The following KCND3 variants were observed in gnomAD, a reference collection of about 807,000 sequenced individuals.
KCND3 encodes potassium voltage-gated channel subfamily D member 3.
A neutral mutation model predicts 51.1 loss-of-function variants in KCND3; 9 were observed. The ratio of observed to expected loss-of-function variants is 0.18; its 90% CI spans 0.11 to 0.31. KCND3 has a LOEUF of 0.31. KCND3 is among the 10% of genes least tolerant of loss of function. The probability of loss-of-function intolerance (pLI) is 1.00; values close to 1 mark genes in which losing one functional copy is unlikely to be tolerated. For missense variants in KCND3, 526 were observed against 903.8 expected (o/e 0.58, Z 5.36); for synonymous variants, 349 against 368.0 (o/e 0.95, Z 0.59).
intron 2 of KCND3, among the ~76,000 whole-genome samples, chr1:111,865,419 A>G (rs373642314): frequency 6.6e-6 from 1 of 152,174 alleles, no homozygotes. Context: ...ATGATTCCCA[A>G]AGAGGTCAGG....
intron 2 of KCND3, among the ~76,000 whole-genome samples, chr1:111,941,462 T>G (rs982142472): frequency 4.6e-5 from 7 of 152,196 alleles, no homozygotes; most frequent in Non-Finnish European, 8.8e-5. Flanking sequence ...CCATATCTAC[T>G]GGGGTTTTTA....
intron 2 of KCND3, among the ~76,000 whole-genome samples, chr1:111,880,990 G>T (rs551415453): frequency 2.0e-5 from 3 of 151,994 alleles, no homozygotes; most frequent in African/African-American, 4.8e-5. Flanking sequence ...TTCCCAACAC[G>T]ACCTCCTCTG....
intron 2 of KCND3, among the ~76,000 whole-genome samples, chr1:111,805,622 C>T (rs1418942698): frequency 6.6e-6 from 1 of 152,246 alleles, no homozygotes; most frequent in Non-Finnish European, 1.5e-5. Context: ...CATGGCTAAG[C>T]AGAGACCTTA....
At chr1:111,958,190 C>A (rs1673434820) in intron 2 of KCND3, among the ~76,000 whole-genome samples, 1 of 152,190 alleles carries the variant, frequency 6.6e-6, no homozygotes, top group Non-Finnish European at 1.5e-5. Context: ...GAGGTATTTT[C>A]TTTTCATCCT....
intron 2 of KCND3, among the ~76,000 whole-genome samples, chr1:111,792,967 T>C (rs1302320510): frequency 2.0e-5 from 3 of 150,574 alleles, no homozygotes; most frequent in Non-Finnish European, 3.0e-5. Flanking sequence ...ATTTTTGAGC[T>C]CAAGTGATCC....
At chr1:111,908,013 C>T (rs1302022975) in intron 2 of KCND3, among the ~76,000 whole-genome samples, 2 of 152,172 alleles carry the variant, frequency 1.3e-5, no homozygotes, top group Non-Finnish European at 2.9e-5. Context: ...CTCCTAGGGA[C>T]TAAGGACTAT....
chr1:111,943,324 C>T (rs1237010356), intron 2 of KCND3, among the ~76,000 whole-genome samples: 1 of 152,202 alleles, frequency 6.6e-6, no homozygotes, highest in East Asian at 1.9e-4. Flanking sequence ...ATGGAGCGCA[C>T]CATGCCCAGC....
At chr1:111,904,586 G>A (rs1670550943) in intron 2 of KCND3, among the ~76,000 whole-genome samples, 1 of 152,156 alleles carries the variant, frequency 6.6e-6, no homozygotes, top group Non-Finnish European at 1.5e-5. Context: ...GCTGTCCACT[G>A]GGATGTACCC....
intron 2 of KCND3, among the ~76,000 whole-genome samples, chr1:111,856,246 C>T (rs1373796238): frequency 6.6e-6 from 1 of 152,206 alleles, no homozygotes. Flanking sequence ...GAGATGTTTT[C>T]AGAAGTTTCA....
At chr1:111,855,509 T>C (rs923556929) in intron 2 of KCND3, among the ~76,000 whole-genome samples, 3 of 152,216 alleles carry the variant, frequency 2.0e-5, no homozygotes, top group African/African-American at 7.2e-5. Context: ...CATACCAGCC[T>C]GGCCTGAGAA....
intron 2 of KCND3, among the ~76,000 whole-genome samples, chr1:111,889,933 G>C (rs1460058118): frequency 6.6e-6 from 1 of 152,124 alleles, no homozygotes; most frequent in African/African-American, 2.4e-5. Flanking sequence ...AGTGGGAACA[G>C]CCAATGAAAA....
chr1:111,838,022 G>A (rs958002972), intron 2 of KCND3, among the ~76,000 whole-genome samples: 8 of 152,154 alleles, frequency 5.3e-5, no homozygotes, highest in Non-Finnish European at 8.8e-5. Flanking sequence ...CGTCACTGTC[G>A]AGGTCAACCT....
intron 1 of KCND3, among the ~76,000 whole-genome samples, chr1:111,987,303 A>C (rs1675335104): frequency 6.6e-6 from 1 of 152,150 alleles, no homozygotes; most frequent in African/African-American, 2.4e-5. Context: ...GCTCAGGGGA[A>C]GGAAAAATTA....
At chr1:111,959,625 C>T (rs1243351807) in intron 2 of KCND3, among the ~76,000 whole-genome samples, 1 of 152,134 alleles carries the variant, frequency 6.6e-6, no homozygotes, top group Non-Finnish European at 1.5e-5. Flanking sequence ...TCTTCCTGCC[C>T]CCTGCTGGGG....
intron 7 of KCND3, 150 bp from the exon 8 acceptor site, chr1:111,776,428 A>G (rs955772554): frequency 1.5e-4 from 121 of 798,674 alleles, no homozygotes; most frequent in Admixed American, 2.4e-4. Flanking sequence ...GTAATTATCC[A>G]TTCTAATTAT....
At chr1:111,883,648 G>C (rs1450630451) in intron 2 of KCND3, among the ~76,000 whole-genome samples, 1 of 152,196 alleles carries the variant, frequency 6.6e-6, no homozygotes, top group Non-Finnish European at 1.5e-5. Context: ...ACGGAGGAGG[G>C]ATTCAAGGCC....
chr1:111,953,232 G>T (rs1253305324), intron 2 of KCND3, among the ~76,000 whole-genome samples: 1 of 152,142 alleles, frequency 6.6e-6, no homozygotes, highest in Non-Finnish European at 1.5e-5. Flanking sequence ...CACCCACCCG[G>T]TCCATCAATG....
chr1:111,799,700 G>A (rs1416614587), intron 2 of KCND3, among the ~76,000 whole-genome samples: 1 of 152,216 alleles, frequency 6.6e-6, no homozygotes, highest in Non-Finnish European at 1.5e-5. Flanking sequence ...ATGAAGTCTG[G>A]TTCTTGTAGA....
intron 2 of KCND3, among the ~76,000 whole-genome samples, chr1:111,945,076 G>A (rs1672714467): frequency 6.6e-6 from 1 of 152,172 alleles, no homozygotes; most frequent in Non-Finnish European, 1.5e-5. Flanking sequence ...GGGAGGTGGT[G>A]GGACTGTCTT....
Sources: gnomAD v4.1 joint callset for allele counts (sites outside exome capture counted in the v4.1 genomes callset) on GRCh38, gnomAD v4.1.1 for gene constraint, MANE v1.5 for transcripts, NCBI Gene and HGNC (gene_info 2026-07-23, HGNC 2026-07-21) for gene names.